The following ARHGAP39 variants were observed in gnomAD, a reference collection of about 807,000 sequenced individuals.
ARHGAP39 encodes the protein Rho GTPase activating protein 39, also known as rho GTPase-activating protein 39.
A neutral mutation model predicts 106.9 loss-of-function variants in ARHGAP39; 44 were observed. The ratio of observed to expected loss-of-function variants is 0.41; its 90% CI spans 0.32 to 0.53. The LOEUF (loss-of-function observed/expected upper bound fraction) is 0.53, where lower values mean the gene tolerates loss of function less well. ARHGAP39 is among the 20% of genes least tolerant of loss of function. The probability of loss-of-function intolerance (pLI) is 0.21; values close to 1 mark genes in which losing one functional copy is unlikely to be tolerated. For synonymous variants in ARHGAP39, 768 were observed against 693.2 expected (o/e 1.11, Z -1.69); for missense variants, 1,496 against 1,577.3 (o/e 0.95, Z 0.87).
Position 144,645,349 on chromosome 8 carries a change from C to T in ARHGAP39, c.-81-39654G>A, listed in dbSNP as rs1398105417. On this transcript the variant is annotated intron_variant, in intron 1 of 11. Coordinates refer to ENST00000377307, the MANE Select transcript of ARHGAP39 (RefSeq NM_025251.3). The surrounding 1 kb of genome is among the most constrained non-coding windows in gnomAD (Gnocchi z 4.4). The stretch of plus-strand genomic sequence containing the variant: ...GCCCAGCTGGGAACCAGCCCTGGGA[C>T]ACCACGCTCTCAATGATGGGCTCCA... 6.6e-6 allele frequency among the ~76,000 whole-genome samples: 1 copy of T among 152,266 alleles called. No individual in the cohort carries two copies. Among genetic ancestry groups the T allele is most frequent in the Non-Finnish European group, 1.5e-5 (1 of 68,048 alleles).
intron 3 of ARHGAP39, among the ~76,000 whole-genome samples, chr8:144,577,649 T>C (rs764048674): frequency 6.6e-6 from 1 of 152,134 alleles, no homozygotes; most frequent in Non-Finnish European, 1.5e-5. Flanking sequence ...TAAACGAAGG[T>C]TACTACAGCT....
intron 3 of ARHGAP39, among the ~76,000 whole-genome samples, chr8:144,574,135 C>T (rs1818682157): frequency 7.7e-6 from 1 of 130,524 alleles, no homozygotes; most frequent in Non-Finnish European, 1.6e-5. Flanking sequence ...CACTGTACTG[C>T]AGCCTGGGTG....
At chr8:144,612,922 T>A (rs1333744071) in intron 1 of ARHGAP39, among the ~76,000 whole-genome samples, 1 of 152,290 alleles carries the variant, frequency 6.6e-6, no homozygotes, top group African/African-American at 2.4e-5. Flanking sequence ...ACCATCTTGC[T>A]GTGTGTTACC....
At chr8:144,602,126 G>GGT (rs767800768) in intron 2 of ARHGAP39, among the ~76,000 whole-genome samples, 4 of 140,178 alleles carry the variant, frequency 2.9e-5, no homozygotes, top group Non-Finnish European at 6.1e-5. Flanking sequence ...TGTGCATGGA[G>GGT]GTGTGTGTGC....
intron 1 of ARHGAP39, among the ~76,000 whole-genome samples, chr8:144,663,747 T>C (rs1821892029): frequency 6.6e-6 from 1 of 152,212 alleles, no homozygotes; most frequent in African/African-American, 2.4e-5. Context: ...GAACAACTTC[T>C]GACCACCATC....
intron 1 of ARHGAP39, among the ~76,000 whole-genome samples, chr8:144,652,906 C>T (rs1050169061): frequency 1.9e-4 from 29 of 151,776 alleles, no homozygotes; most frequent in Admixed American, 1.6e-3. Context: ...TGTACCCCCC[C>T]GAATCTAAAA....
intron 2 of ARHGAP39, among the ~76,000 whole-genome samples, chr8:144,599,746 TAGGAACAC>T (rs1819773446): frequency 6.6e-6 from 1 of 152,056 alleles, no homozygotes; most frequent in Non-Finnish European, 1.5e-5. Context: ...CCAAACAACT[TAGGAACAC>T]AGGATGAGCC....
intron 1 of ARHGAP39, among the ~76,000 whole-genome samples, chr8:144,619,241 C>T (rs972676457): frequency 2.0e-5 from 3 of 152,228 alleles, no homozygotes; most frequent in Admixed American, 6.5e-5. Flanking sequence ...GGAAAGCAAG[C>T]GCGGAAACAG....
rs1816850141 is a variant in ARHGAP39, at chr8:144,534,076, A to T, written c.2688+53T>A. The T allele has an allele frequency of 1.9e-6, 3 of 1,594,648 alleles. No homozygotes were observed. The Admixed American group carries it at 5.0e-5, about 27-fold the overall frequency. On this transcript the variant is annotated intron_variant, in intron 8 of 11. Coordinates refer to ENST00000377307, the MANE Select transcript of ARHGAP39 (RefSeq NM_025251.3). Reference sequence around the variant, plus strand: ...GGCGGGGCTCCTGGGGCTGTCCACCAAGGGTCTCTGTGTCCCCGCCTGCCC... The same window carrying T: ...GGCGGGGCTCCTGGGGCTGTCCACCTAGGGTCTCTGTGTCCCCGCCTGCCC...
intron 3 of ARHGAP39, among the ~76,000 whole-genome samples, chr8:144,561,612 G>A (rs1818164099): frequency 6.7e-6 from 1 of 148,534 alleles, no homozygotes; most frequent in Non-Finnish European, 1.5e-5. Flanking sequence ...TCGCGCTCCA[G>A]TGGTTTCCAT....
At chr8:144,615,030 G>A (rs1016055288) in intron 1 of ARHGAP39, among the ~76,000 whole-genome samples, 9 of 152,212 alleles carry the variant, frequency 5.9e-5, no homozygotes, top group African/African-American at 1.4e-4. Context: ...CACCCCTTAC[G>A]AGTCTGGATC....
chr8:144,612,012 A>AG (rs1264135833), intron 1 of ARHGAP39, among the ~76,000 whole-genome samples: 3 of 151,386 alleles, frequency 2.0e-5, no homozygotes, highest in African/African-American at 7.2e-5. Flanking sequence ...TCCATGTAAA[A>AG]AAAAAAAAAA....
In ARHGAP39 at chr8:144,670,099, C is replaced by T. The variant is rs1035548203; in HGVS notation, c.-82+15587G>A. On this transcript the variant is annotated intron_variant, in intron 1 of 11. Transcript: ENST00000377307. This position sits in a 1 kb window ranked among gnomAD's most constrained non-coding sequence, Gnocchi z 4.4. ...AACGGGGTTGACCTGTACAACGGAA[C>T]GTCCCTCAGCAATAAAAAGCAACAG... Among the ~76,000 whole-genome samples, 2 of 152,212 alleles carry T rather than the reference C, an allele frequency of 1.3e-5. No homozygotes were observed. Among genetic ancestry groups the T allele is most frequent in the South Asian group, 2.1e-4 (1 of 4,838 alleles).
At chr8:144,602,316 TGGA>T (rs1172688681) in intron 2 of ARHGAP39, among the ~76,000 whole-genome samples, 1 of 128,298 alleles carries the variant, frequency 7.8e-6, no homozygotes, top group African/African-American at 3.1e-5. Context: ...TGTGTGTGCA[TGGA>T]GGCGTGCGTG....
At chr8:144,677,730 T>C (rs1013384184) in intron 1 of ARHGAP39, among the ~76,000 whole-genome samples, 1 of 152,236 alleles carries the variant, frequency 6.6e-6, no homozygotes, top group African/African-American at 2.4e-5. Flanking sequence ...AGTTACAAAG[T>C]ATCTCTAGAA....
At chr8:144,583,737 G>A (rs73377660) in intron 2 of ARHGAP39, among the ~76,000 whole-genome samples, 3,863 of 152,274 alleles carry the variant, frequency 0.025, 176 homozygotes, top group African/African-American at 0.088. Context: ...GGTTACAGAG[G>A]TTTCTATTTT....
intron 1 of ARHGAP39, among the ~76,000 whole-genome samples, chr8:144,664,022 C>G (rs1821899875): frequency 6.6e-6 from 1 of 152,020 alleles, no homozygotes; most frequent in Non-Finnish European, 1.5e-5. Flanking sequence ...CAACAATTAG[C>G]CGGGCATAGT....
At chr8:144,665,699 G>A (rs1488734415) in intron 1 of ARHGAP39, among the ~76,000 whole-genome samples, 2 of 152,252 alleles carry the variant, frequency 1.3e-5, no homozygotes, top group East Asian at 3.8e-4. Context: ...CAGGTGCACA[G>A]AAGTCAAGAA....
chr8:144,666,734 C>G (rs556148064), intron 1 of ARHGAP39, among the ~76,000 whole-genome samples: 2 of 152,298 alleles, frequency 1.3e-5, no homozygotes, highest in East Asian at 3.9e-4. Flanking sequence ...TCTCCCCAGT[C>G]TTGGGTATGT....
Sources: allele counts gnomAD v4.1 joint callset (sites outside exome capture counted in the v4.1 genomes callset), GRCh38; gene constraint gnomAD v4.1.1; non-coding constraint Gnocchi (gnomAD v3.1); transcripts MANE v1.5; gene names NCBI Gene and HGNC (gene_info 2026-07-23, HGNC 2026-07-21).